Variants in CD164 observed in about 807,000 individuals in gnomAD.
The protein encoded by CD164 is CD164 molecule, also known as sialomucin core protein 24.
CD164 carries 11 observed loss-of-function variants against 24.6 expected under a neutral mutation model. The ratio of observed to expected loss-of-function variants is 0.45; its 90% CI spans 0.28 to 0.74. The LOEUF is 0.74. Ranked by LOEUF, CD164 falls within the 30% of genes least tolerant of loss-of-function variation. The probability of loss-of-function intolerance (pLI) is 0.13; values close to 1 mark genes in which losing one functional copy is unlikely to be tolerated. For missense variants in CD164, 295 were observed against 243.7 expected (o/e 1.21, Z -1.40); for synonymous variants, 126 against 100.3 (o/e 1.26, Z -1.53).
Position 109,382,315 on chromosome 6 carries a change from A to C in CD164, c.64T>G (p.Ser22Ala). ...TGCTGGGTCGTGTTCTTGTCCGCGG[A>C]CAGCACGCAGAGCACGCCCAGGCAG... ...ATCLGVLCVLSADKNTTQHPN... is the reference protein window; with the variant it reads ...ATCLGVLCVLAADKNTTQHPN... The change falls in exon 1 of 6, where the codon TCC becomes GCC. Residue 22 changes from serine to alanine, a missense_variant. Ser to Ala is a moderately conservative substitution (Grantham distance 99). Coordinates refer to ENST00000310786, the MANE Select transcript of CD164 (RefSeq NM_006016.6). The C allele has an allele frequency of 6.3e-7, 1 of 1,578,360 alleles. No individual in the cohort carries two copies. Among genetic ancestry groups the C allele is most frequent in the African/African-American group, 1.3e-5 (1 of 74,350 alleles).
At chr6:109,377,781 C>G (rs1157956638) in intron 3 of CD164, 119 bp downstream of exon 3, 2 of 740,256 alleles carry the variant, frequency 2.7e-6, no homozygotes, top group Non-Finnish European at 4.8e-6. Context: ...TATTCCAATT[C>G]TAACAAGATG....
At position 109,367,681 on chromosome 6, in the gene CD164, C is replaced by T. The variant is rs1770841756; in HGVS notation, c.*1170G>A. On this transcript the variant is annotated 3_prime_UTR_variant, in exon 6 of 6. Coordinates refer to ENST00000310786, the MANE Select transcript of CD164 (RefSeq NM_006016.6). ...ACAGTAACCTGATCAACCAAAAAAT[C>T]CTTAGGTGTTGTGAAATTACATTGG... 1 of 152,558 alleles carries T rather than the reference C, an allele frequency of 6.6e-6. No individual in the cohort carries two copies. The highest frequency in any genetic ancestry group is 2.4e-5 in the African/African-American group (1 of 41,438). The allele number at this position is 152,558 out of a possible 1,614,324, so 9.5% of individuals were successfully genotyped here.
In CD164 at chr6:109,366,885, CA is replaced by C. The variant is rs1562232809; in HGVS notation, c.*1965del. 1 of 152,174 alleles carries C rather than the reference CA, an allele frequency of 6.6e-6. No homozygotes were observed. The highest frequency in any genetic ancestry group is 6.5e-5 in the Admixed American group (1 of 15,272). The allele number at this position is 152,174 out of a possible 1,614,324, so 9.4% of individuals were successfully genotyped here. A position where few individuals can be genotyped will look rare whatever the true frequency, so the allele number is the denominator to read the frequency against. On this transcript the variant is annotated 3_prime_UTR_variant, in exon 6 of 6. Coordinates refer to ENST00000310786, the MANE Select transcript of CD164 (RefSeq NM_006016.6). ...TTATGCTTGTTGTTAGAGCAGTGCTCAAAATTACAGAAGCTTCAAATTGTTA... is the reference window on the plus strand; with the variant it reads ...TTATGCTTGTTGTTAGAGCAGTGCTCAAATTACAGAAGCTTCAAATTGTTA...
intron 4 of CD164, among the ~76,000 whole-genome samples, chr6:109,373,146 A>G (rs1237646792): frequency 6.6e-6 from 1 of 152,200 alleles, no homozygotes; most frequent in African/African-American, 2.4e-5. Flanking sequence ...CATCAGAGTA[A>G]CAGGTTACTT....
chr6:109,369,987 G>C (rs1770986451), intron 5 of CD164, among the ~76,000 whole-genome samples: 1 of 152,158 alleles, frequency 6.6e-6, no homozygotes, highest in Non-Finnish European at 1.5e-5. Flanking sequence ...TTAAGAAAGT[G>C]AGGTGCACAT....
At position 109,376,103 on chromosome 6, in the gene CD164, G is replaced by T; in HGVS notation, c.341C>A (p.Ala114Asp). ...AGAATTGGCTGTTGGCACTGGAGTGGCCGTGGAAACTATTAAAAAAAGAAA... is the reference window on the plus strand; with the variant it reads ...AGAATTGGCTGTTGGCACTGGAGTGTCCGTGGAAACTATTAAAAAAAGAAA... ...NTTDFCSVST[A>D]TPVPTANSTA... The change falls in exon 4 of 6, where the codon GCC becomes GAC. Residue 114 changes from alanine (A) to aspartate (D), a missense_variant. Coordinates refer to ENST00000310786, the MANE Select transcript of CD164 (RefSeq NM_006016.6). 1 of 1,565,426 alleles carries T rather than the reference G, an allele frequency of 6.4e-7. No individual in the cohort carries two copies. Among genetic ancestry groups the T allele is most frequent in the South Asian group, 1.2e-5 (1 of 81,988 alleles).
At chr6:109,373,237 T>C (rs1236403478) in intron 4 of CD164, among the ~76,000 whole-genome samples, 2 of 152,216 alleles carry the variant, frequency 1.3e-5, no homozygotes, top group Non-Finnish European at 2.9e-5. Flanking sequence ...TTCCACTTCA[T>C]ATGAACATTT....
intron 4 of CD164, chr6:109,370,668 G>A (rs1490075853): frequency 6.1e-6 from 3 of 495,284 alleles, no homozygotes; most frequent in South Asian, 2.3e-5. Context: ...AAAACAATAA[G>A]CAATCATAAA....
At position 109,368,470 on chromosome 6, in the gene CD164, C is replaced by G. The variant is rs1243059589; in HGVS notation, c.*381G>C. On this transcript the variant is annotated 3_prime_UTR_variant, in exon 6 of 6. Coordinates refer to ENST00000310786, the MANE Select transcript of CD164 (RefSeq NM_006016.6). ...TGATTCTCATTTGGCACGTTCTTCT[C>G]AATTCTGTTCACTAAATTAAAATTA... The G allele has an allele frequency of 7.3e-7, 1 of 1,369,150 alleles. No homozygotes were observed. The highest frequency in any genetic ancestry group is 9.4e-7 in the Non-Finnish European group (1 of 1,065,638). 84.8% of individuals were successfully genotyped at this position (1,369,150 alleles called of 1,614,324 possible).
At position 109,379,203 on chromosome 6, in the gene CD164, C is replaced by T. The variant is rs189301085; in HGVS notation, c.259+376G>A. ...TCCAGTGTATTAAAGTACTCTCAAT[C>T]CTTAGAACAGGCTTTAAAAAAAGCC... is the stretch of plus-strand genomic sequence containing the variant. On this transcript the variant is annotated intron_variant, in intron 2 of 5. Transcript: ENST00000310786. 6.6e-3 allele frequency among the ~76,000 whole-genome samples: 1,010 copies of T among 152,258 alleles called. 5 individuals are homozygous for T. Among genetic ancestry groups the T allele is most frequent in the Middle Eastern group, 0.024 (7 of 294 alleles).
At position 109,368,386 on chromosome 6, in the gene CD164, T is replaced by G. The variant is rs1310619790; in HGVS notation, c.*465A>C. On this transcript the variant is annotated 3_prime_UTR_variant, in exon 6 of 6. Transcript: ENST00000310786. Reference sequence around the variant, plus strand: ...ATTTTAATCTAAGGATACCATTTAGTACTACTAAATTAATAAATTTATTCC... The same window carrying G: ...ATTTTAATCTAAGGATACCATTTAGGACTACTAAATTAATAAATTTATTCC... 5.9e-5 allele frequency: 87 copies of G among 1,481,818 alleles called. No homozygotes were observed. The highest frequency in any genetic ancestry group is 7.6e-5 in the Non-Finnish European group (85 of 1,117,928). The allele number at this position is 1,481,818 out of a possible 1,614,324, so 91.8% of individuals were successfully genotyped here. A position where few individuals can be genotyped will look rare whatever the true frequency, so the allele number is the denominator to read the frequency against.
Position 109,382,409 on chromosome 6 carries a change from G to A in CD164, c.-31C>T, listed in dbSNP as rs748255704. 4 of 1,484,712 alleles carry A rather than the reference G, an allele frequency of 2.7e-6. No individual in the cohort carries two copies. The highest frequency in any genetic ancestry group is 1.3e-5 in the South Asian group (1 of 78,290). 92.0% of individuals were successfully genotyped at this position (1,484,712 alleles called of 1,614,324 possible). On this transcript the variant is annotated 5_prime_UTR_variant, in exon 1 of 6. Transcript: ENST00000310786. ...CCTCAGCGCTGGCGTTCGGGAGAAA[G>A]CTAAGGCTCGCAACGCTCAGTCAAC... is the stretch of plus-strand genomic sequence containing the variant.
chr6:109,375,113 G>A (rs1771319467), intron 4 of CD164, among the ~76,000 whole-genome samples: 1 of 152,134 alleles, frequency 6.6e-6, no homozygotes, highest in African/African-American at 2.4e-5. Flanking sequence ...AACTTTCCAG[G>A]TTGATGGGAA....
rs1770814336 is a variant in CD164 at position 109,367,301 on chromosome 6, G to C, written c.*1550C>G. ...ATCTTCATCTTAACAACCTTTAATAGTTATCTAAATGCAGAGTTTGTTTAT... is the reference window on the plus strand; with the variant it reads ...ATCTTCATCTTAACAACCTTTAATACTTATCTAAATGCAGAGTTTGTTTAT... On this transcript the variant is annotated 3_prime_UTR_variant, in exon 6 of 6. Transcript: ENST00000310786. 6.6e-6 allele frequency: 1 copy of C among 152,530 alleles called. No homozygotes were observed. Among genetic ancestry groups the C allele is most frequent in the Non-Finnish European group, 1.5e-5 (1 of 67,988 alleles). The allele number at this position is 152,530 out of a possible 1,614,324, so 9.4% of individuals were successfully genotyped here. A position where few individuals can be genotyped will look rare whatever the true frequency, so the allele number is the denominator to read the frequency against.
At chr6:109,372,954 A>G (rs879938242) in intron 4 of CD164, 1 of 152,204 alleles carries the variant, frequency 6.6e-6, no homozygotes, top group Non-Finnish European at 1.5e-5. Context: ...TGCATTGACA[A>G]TATTTTCAAA....
intron 4 of CD164, among the ~76,000 whole-genome samples, chr6:109,375,617 C>CAAAAAAAAAAAAAAA (rs58138405): frequency 0.012 from 818 of 70,848 alleles, 7 homozygotes; most frequent in East Asian, 0.037. Context: ...ACTTCGCTTC[C>CAAAAAAAAAAAAAAA]AAAAAAAAAA....
chr6:109,380,899 A>G (rs1771699136), intron 1 of CD164, among the ~76,000 whole-genome samples: 1 of 152,248 alleles, frequency 6.6e-6, no homozygotes, highest in Admixed American at 6.5e-5. Flanking sequence ...TAGAATTCCC[A>G]GTATTATACT....
Position 109,368,753 on chromosome 6 carries a change from A to T in CD164, c.*98T>A. The T allele has an allele frequency of 2.7e-6, 4 of 1,471,618 alleles. No homozygotes were observed. Among genetic ancestry groups the T allele is most frequent in the Non-Finnish European group, 3.6e-6 (4 of 1,115,222 alleles). 91.2% of individuals were successfully genotyped at this position (1,471,618 alleles called of 1,614,324 possible). ...ATCCATGGAAATTTAAAGATCCTGG[A>T]ATAGCGTCTTCCATGTGGGACATCT... On this transcript the variant is annotated 3_prime_UTR_variant, in exon 6 of 6. Transcript: ENST00000310786.
chr6:109,381,433 A>G (rs1582495575), intron 1 of CD164: 1 of 690,092 alleles, frequency 1.4e-6, no homozygotes, highest in East Asian at 2.7e-5. Context: ...TGAAAAAAGA[A>G]TAAACATACA....
Sources: gnomAD v4.1 joint callset for allele counts (sites outside exome capture counted in the v4.1 genomes callset) on GRCh38, gnomAD v4.1.1 for gene constraint, MANE v1.5 for transcripts, NCBI Gene and HGNC (gene_info 2026-07-23, HGNC 2026-07-21) for gene names.